Variants in NBAS observed in about 807,000 individuals in gnomAD.
NBAS encodes NBAS subunit of NRZ tethering complex, also known as NAG/BC035112 fusion.
NBAS carries 219 observed loss-of-function variants against 302.5 expected under a neutral mutation model. That is an observed-to-expected ratio of 0.72 (90% CI 0.65 to 0.81). The LOEUF is 0.81. NBAS is among the 30% of genes least tolerant of loss of function. The pLI, the probability that NBAS is intolerant of heterozygous loss-of-function variation, is 0.00. For synonymous variants in NBAS, 1,118 were observed against 1,021.6 expected (o/e 1.09, Z -1.80); for missense variants, 2,932 against 2,841.6 (o/e 1.03, Z -0.72).
intron 45 of NBAS, among the ~76,000 whole-genome samples, chr2:15,237,608 TTATC>T (rs1167127839): frequency 1.5e-5 from 2 of 134,160 alleles, no homozygotes; most frequent in African/African-American, 5.9e-5. Context: ...ATTTATTTAT[TTATC>T]TGAGACAGAG....
chr2:15,367,939 G>A (rs10929364), intron 31 of NBAS, among the ~76,000 whole-genome samples: 270 of 152,168 alleles, frequency 1.8e-3, no homozygotes, highest in African/African-American at 6.1e-3. Flanking sequence ...CATGCATACA[G>A]TCCCTGCTTC....
chr2:15,561,160 G>A (rs756150574), intron 1 of NBAS, 28 bp downstream of exon 1: 3 of 1,603,726 alleles, frequency 1.9e-6, no homozygotes, highest in African/African-American at 1.3e-5. Flanking sequence ...CGCCAAGCTG[G>A]CTGCTGCTGT....
intron 11 of NBAS, among the ~76,000 whole-genome samples, chr2:15,492,886 C>T (rs1288445326): frequency 6.6e-6 from 1 of 152,180 alleles, no homozygotes; most frequent in Non-Finnish European, 1.5e-5. Flanking sequence ...ACGCTAAATT[C>T]TATGAACAGA....
In NBAS at chr2:15,275,477, T is replaced by G. The variant is rs766776076; in HGVS notation, c.5724+7A>C. 21 of 1,613,480 alleles carry G rather than the reference T, an allele frequency of 1.3e-5. No homozygotes were observed. Among genetic ancestry groups the G allele is most frequent in the Non-Finnish European group, 1.7e-5 (20 of 1,179,654 alleles). On this transcript the variant is annotated splice_region_variant and intron_variant, in intron 44 of 51. Coordinates refer to ENST00000281513, the MANE Select transcript of NBAS (RefSeq NM_015909.4). ...CTCAAACCACTTTAAAATATCTTTTTGTTTACCTTGGTCACAGCTTTTGGA... is the reference window on the plus strand; with the variant it reads ...CTCAAACCACTTTAAAATATCTTTTGGTTTACCTTGGTCACAGCTTTTGGA...
chr2:14,844,886 A>G, the NBAS span, among the ~76,000 whole-genome samples: 30,998 of 152,218 alleles, frequency 0.2, 5,002 homozygotes, highest in African/African-American at 0.44. Context: ...CAGCCACAGT[A>G]AAATAAAATG....
Position 15,247,217 on chromosome 2 carries a change from G to C in NBAS, c.5725-8531C>G, listed in dbSNP as rs78657369. ...TTTCTGGATCTCGCTCAAGAAAGAA[G>C]TCAGAGCTCCTGAAGGAAGCACTAA... On this transcript the variant is annotated intron_variant, in intron 44 of 51. Coordinates refer to ENST00000281513, the MANE Select transcript of NBAS (RefSeq NM_015909.4). Among the ~76,000 whole-genome samples, 1,275 of 152,108 alleles carry C rather than the reference G, an allele frequency of 8.4e-3. 15 individuals are homozygous for C. Among genetic ancestry groups the C allele is most frequent in the Non-Finnish European group, 0.014 (946 of 67,978 alleles).
the NBAS span, among the ~76,000 whole-genome samples, chr2:15,073,476 CAAAAAAA>C: frequency 7.6e-5 from 5 of 65,770 alleles, no homozygotes; most frequent in Middle Eastern, 7.6e-3. Flanking sequence ...AACTCCTTCT[CAAAAAAA>C]AAAAAAAATA....
the NBAS span, among the ~76,000 whole-genome samples, chr2:14,957,278 C>CGTGTGTGTGTGT: frequency 3.1e-3 from 451 of 147,572 alleles, 1 homozygote; most frequent in African/African-American, 0.011. Context: ...TATACATATA[C>CGTGTGTGTGTGT]GTGTGTGTGT....
chr2:15,419,898 G>C (rs1203547304), intron 23 of NBAS, among the ~76,000 whole-genome samples: 1 of 152,026 alleles, frequency 6.6e-6, no homozygotes, highest in African/African-American at 2.4e-5. Flanking sequence ...ATTTTTAGTA[G>C]AGATGGCGTT....
chr2:15,018,819 C>T, the NBAS span, among the ~76,000 whole-genome samples: 33 of 152,112 alleles, frequency 2.2e-4, no homozygotes, highest in Admixed American at 6.5e-4. Context: ...CAGATAAAAA[C>T]GCTTTTCTTT....
the NBAS span, among the ~76,000 whole-genome samples, chr2:15,095,287 A>G: frequency 6.6e-6 from 1 of 152,232 alleles, no homozygotes; most frequent in Non-Finnish European, 1.5e-5. Flanking sequence ...TACAAAAGAA[A>G]GAGGTTTAAT....
At chr2:15,240,929 C>T (rs1207256797) in intron 44 of NBAS, among the ~76,000 whole-genome samples, 1 of 152,072 alleles carries the variant, frequency 6.6e-6, no homozygotes, top group Non-Finnish European at 1.5e-5. Context: ...ACAGACCACC[C>T]CTCCCTTCAT....
At chr2:14,989,573 A>G in the NBAS span, among the ~76,000 whole-genome samples, 1 of 152,076 alleles carries the variant, frequency 6.6e-6, no homozygotes, top group Non-Finnish European at 1.5e-5. Context: ...AATTAAAATT[A>G]AAATTAAAAA....
At chr2:15,379,470 AT>A (rs1572749803) in intron 30 of NBAS, 131 bp downstream of exon 30, 1 of 803,494 alleles carries the variant, frequency 1.2e-6, no homozygotes. Flanking sequence ...CAAGCAAAAA[AT>A]AACTGTGCCC....
At chr2:14,996,233 C>G in the NBAS span, among the ~76,000 whole-genome samples, 9 of 152,310 alleles carry the variant, frequency 5.9e-5, no homozygotes, top group East Asian at 1.7e-3. Context: ...GCCACTAATA[C>G]TTATGTTCGT....
the NBAS span, among the ~76,000 whole-genome samples, chr2:14,924,762 A>G: frequency 1.3e-5 from 2 of 152,030 alleles, no homozygotes; most frequent in African/African-American, 4.8e-5. Flanking sequence ...ACCTCACTTC[A>G]TTTTTCTGTA....
chr2:15,025,460 C>G, the NBAS span, among the ~76,000 whole-genome samples: 1 of 151,956 alleles, frequency 6.6e-6, no homozygotes, highest in Non-Finnish European at 1.5e-5. Flanking sequence ...TTTTTTTGTT[C>G]CATATGAATT....
At chr2:15,446,342 T>C (rs1051760929) in intron 21 of NBAS, among the ~76,000 whole-genome samples, 6 of 148,408 alleles carry the variant, frequency 4.0e-5, no homozygotes, top group South Asian at 2.1e-4. Context: ...GAAACAAAGA[T>C]AAAGAATGAC....
chr2:15,518,689 C>T (rs576712921), intron 9 of NBAS, among the ~76,000 whole-genome samples: 1 of 152,052 alleles, frequency 6.6e-6, no homozygotes, highest in Non-Finnish European at 1.5e-5. Context: ...TCCATTTTCA[C>T]GCTGCTGATA....
Sources: allele counts gnomAD v4.1 joint callset (sites outside exome capture counted in the v4.1 genomes callset), GRCh38; gene constraint gnomAD v4.1.1; transcripts MANE v1.5; gene names NCBI Gene and HGNC (gene_info 2026-07-23, HGNC 2026-07-21).